Variants in TRPS1 observed in about 807,000 individuals in gnomAD.
TRPS1 encodes the protein transcriptional repressor GATA binding 1.
In TRPS1, 6 loss-of-function variants were observed where a neutral mutation model predicts 101.2. The observed-to-expected ratio is 0.06, with a 90% CI of 0.03 to 0.12. TRPS1 has a LOEUF of 0.12. TRPS1 is among the 10% of genes least tolerant of loss of function. TRPS1 has a pLI of 1.00. For synonymous variants in TRPS1, 578 were observed against 589.8 expected, an observed-to-expected ratio of 0.98 and a Z score of 0.29; for missense variants, 1,363 against 1,567.0, an observed-to-expected ratio of 0.87 and a Z score of 2.20.
At chr8:115,628,494 C>G (rs1818558890) in intron 1 of TRPS1, among the ~76,000 whole-genome samples, 1 of 151,436 alleles carries the variant, frequency 6.6e-6, no homozygotes, top group Non-Finnish European at 1.5e-5. Flanking sequence ...GAGAAATGTT[C>G]CAAAGAAAAC....
Position 115,460,637 on chromosome 8 carries a change from G to T in TRPS1, c.2701-42185C>A, listed in dbSNP as rs554621848. ...AAATCATAAAAGCAGTCACTGACAT[G>T]ATCTAGAAACTTAACTGTTTTTTTC... On this transcript the variant is annotated intron_variant, in intron 5 of 6. Transcript: ENST00000395715. Among the ~76,000 whole-genome samples, 30 of 147,934 alleles carry T rather than the reference G, an allele frequency of 2.0e-4. No individual in the cohort carries two copies. In the South Asian group the frequency reaches 6.0e-3, roughly 30 times the overall value.
At chr8:115,471,522 C>T (rs1414635543) in intron 5 of TRPS1, among the ~76,000 whole-genome samples, 2 of 152,088 alleles carry the variant, frequency 1.3e-5, no homozygotes, top group African/African-American at 2.4e-5. Flanking sequence ...GGGATATAGC[C>T]ATACCATATC....
intron 5 of TRPS1, among the ~76,000 whole-genome samples, chr8:115,533,220 C>T (rs148366136): frequency 2.0e-4 from 31 of 152,084 alleles, no homozygotes; most frequent in African/African-American, 5.1e-4. Context: ...TGAGGTTATC[C>T]GCTAGGTTGT....
At chr8:115,647,356 T>G (rs1318248104) in intron 1 of TRPS1, among the ~76,000 whole-genome samples, 1 of 152,144 alleles carries the variant, frequency 6.6e-6, no homozygotes, top group Non-Finnish European at 1.5e-5. Flanking sequence ...AGCTTGATGA[T>G]GTAAAGAAGG....
chr8:115,581,168 T>C (rs928195767), intron 5 of TRPS1, among the ~76,000 whole-genome samples: 2 of 151,804 alleles, frequency 1.3e-5, no homozygotes, highest in African/African-American at 2.4e-5. Context: ...AAACACTGCA[T>C]GTTCTCACTT....
chr8:115,515,659 T>C (rs546005313), intron 5 of TRPS1, among the ~76,000 whole-genome samples: 1 of 151,494 alleles, frequency 6.6e-6, no homozygotes, highest in Non-Finnish European at 1.5e-5. Context: ...TAAAATTACA[T>C]CATGTTGTGG....
intron 5 of TRPS1, among the ~76,000 whole-genome samples, chr8:115,426,636 C>T (rs1173207482): frequency 6.6e-6 from 1 of 152,180 alleles, no homozygotes; most frequent in African/African-American, 2.4e-5. Flanking sequence ...TGGTTTCTCA[C>T]ACTCTTGGGG....
At chr8:115,444,034 AC>A (rs1483878792) in intron 5 of TRPS1, among the ~76,000 whole-genome samples, 2 of 152,172 alleles carry the variant, frequency 1.3e-5, no homozygotes, top group Non-Finnish European at 2.9e-5. Context: ...GAGAAAAGCA[AC>A]CTAGGGCTCT....
intron 5 of TRPS1, among the ~76,000 whole-genome samples, chr8:115,580,589 A>G (rs1444690722): frequency 6.6e-6 from 1 of 152,144 alleles, no homozygotes; most frequent in East Asian, 1.9e-4. Context: ...AAGCCAAGCA[A>G]AAGATAGTTA....
chr8:115,633,776 G>T (rs1274312776), intron 1 of TRPS1, among the ~76,000 whole-genome samples: 1 of 152,136 alleles, frequency 6.6e-6, no homozygotes, highest in Non-Finnish European at 1.5e-5. Context: ...TGAAGTGTGT[G>T]CTAGATTCTA....
At chr8:115,647,833 T>C (rs1267073030) in intron 1 of TRPS1, among the ~76,000 whole-genome samples, 1 of 152,182 alleles carries the variant, frequency 6.6e-6, no homozygotes, top group Non-Finnish European at 1.5e-5. Context: ...GCCTTATTCC[T>C]GGACTCATTA....
intron 5 of TRPS1, among the ~76,000 whole-genome samples, chr8:115,571,592 T>G (rs1486792291): frequency 1.3e-5 from 2 of 152,150 alleles, no homozygotes; most frequent in African/African-American, 4.8e-5. Context: ...TGATACAGTA[T>G]TAAGATATGT....
intron 1 of TRPS1, among the ~76,000 whole-genome samples, chr8:115,642,990 T>C (rs144105826): frequency 7.2e-4 from 109 of 152,052 alleles, no homozygotes; most frequent in Middle Eastern, 6.8e-3. Flanking sequence ...CACAAGAATA[T>C]TTTGGTTTCC....
chr8:115,515,776 G>C (rs775039574), intron 5 of TRPS1, among the ~76,000 whole-genome samples: 1 of 151,396 alleles, frequency 6.6e-6, no homozygotes, highest in African/African-American at 2.4e-5. Context: ...GAAATATCAT[G>C]TAAAATATTG....
At chr8:115,651,363 C>T (rs533578943) in intron 1 of TRPS1, among the ~76,000 whole-genome samples, 1 of 152,250 alleles carries the variant, frequency 6.6e-6, no homozygotes, top group South Asian at 2.1e-4. Context: ...ACCTTAGGAA[C>T]GATATATTAG....
At chr8:115,634,320 A>G (rs1472995576) in intron 1 of TRPS1, among the ~76,000 whole-genome samples, 2 of 152,182 alleles carry the variant, frequency 1.3e-5, no homozygotes, top group Admixed American at 6.5e-5. Flanking sequence ...AATGCTTTAC[A>G]TGTTCTAGAA....
chr8:115,617,196 GA>G (rs1818294072), intron 3 of TRPS1, among the ~76,000 whole-genome samples: 1 of 152,026 alleles, frequency 6.6e-6, no homozygotes, highest in Non-Finnish European at 1.5e-5. Context: ...ATTTATCTTG[GA>G]AAAAAATTAT....
chr8:115,420,285 C>T (rs1276135694), intron 5 of TRPS1, among the ~76,000 whole-genome samples: 1 of 152,150 alleles, frequency 6.6e-6, no homozygotes, highest in Non-Finnish European at 1.5e-5. Context: ...TGCTGCTTCC[C>T]CCAAAATCAA....
At chr8:115,665,349 G>A (rs569639348) in intron 1 of TRPS1, among the ~76,000 whole-genome samples, 1 of 152,280 alleles carries the variant, frequency 6.6e-6, no homozygotes, top group African/African-American at 2.4e-5. Flanking sequence ...TGGGTTGTAT[G>A]TCTGTACACA....
Sources: gnomAD v4.1 joint callset for allele counts (sites outside exome capture counted in the v4.1 genomes callset) on GRCh38, gnomAD v4.1.1 for gene constraint, MANE v1.5 for transcripts, NCBI Gene and HGNC (gene_info 2026-07-23, HGNC 2026-07-21) for gene names.